Variants in NCAPD3 observed in about 807,000 individuals in gnomAD.
The protein encoded by NCAPD3 is condensin-2 complex subunit D3.
NCAPD3 carries 105 observed loss-of-function variants against 182.9 expected under a neutral mutation model. The observed-to-expected ratio is 0.57, with a 90% CI of 0.49 to 0.68. NCAPD3 has a LOEUF of 0.68. Among genes scored for constraint, NCAPD3 ranks in the 30% least tolerant of loss-of-function variants. The pLI is 0.00. For missense variants in NCAPD3, 1,944 were observed against 1,837.0 expected, an observed-to-expected ratio of 1.06 and a Z score of -1.07; for synonymous variants, 815 against 679.9, an observed-to-expected ratio of 1.20 and a Z score of -3.09.
chr11:134,152,335 G>T lies in NCAPD3; in HGVS notation c.*609C>A, dbSNP rs1295436924. 6.6e-6 allele frequency: 1 copy of T among 152,234 alleles called. No individual in the cohort carries two copies. The highest frequency in any genetic ancestry group is 2.4e-5 in the African/African-American group (1 of 41,462). The allele number at this position is 152,234 out of a possible 1,614,324, so 9.4% of individuals were successfully genotyped here. A position where few individuals can be genotyped will look rare whatever the true frequency, so the allele number is the denominator to read the frequency against. ...CAATCATCTTTTTTCTAATAGGGAA[G>T]ATTTGGTTTCATTCCTCTAACAAAC... On this transcript the variant is annotated 3_prime_UTR_variant, in exon 35 of 35. Transcript: ENST00000534548.
chr11:134,171,234 G>A (rs879480466), intron 24 of NCAPD3, among the ~76,000 whole-genome samples: 2 of 152,104 alleles, frequency 1.3e-5, no homozygotes, highest in South Asian at 2.1e-4. Flanking sequence ...CACACAGCAC[G>A]AGCTGCACGA....
At position 134,167,096 on chromosome 11, in the gene NCAPD3, G is replaced by A. The variant is rs183135305; in HGVS notation, c.3573+900C>T. The stretch of plus-strand genomic sequence containing the variant: ...GGAGCTGCACACTCACTAGTGAGAT[G>A]AGCTTGGGGGAGCTGCACACTCACT... On this transcript the variant is annotated intron_variant, in intron 27 of 34. Transcript: ENST00000534548. Among the ~76,000 whole-genome samples the A allele has an allele frequency of 1.9e-3, 198 of 102,644 alleles. 18 individuals are homozygous for A. Among genetic ancestry groups the A allele is most frequent in the African/African-American group, 9.4e-3 (184 of 19,544 alleles). 67.3% of individuals were successfully genotyped at this position (102,644 alleles called of 152,430 possible). A position where few individuals can be genotyped will look rare whatever the true frequency, so the allele number is the denominator to read the frequency against.
intron 27 of NCAPD3, among the ~76,000 whole-genome samples, chr11:134,166,080 T>G (rs1384298501): frequency 2.5e-5 from 1 of 40,160 alleles, no homozygotes; most frequent in Non-Finnish European, 4.5e-5. Flanking sequence ...CACTCACTTG[T>G]GAGATGAGCT....
At chr11:134,157,190 G>T in intron 31 of NCAPD3, 95 bp from the exon 32 acceptor site, 1 of 949,366 alleles carries the variant, frequency 1.1e-6, no homozygotes, top group Non-Finnish European at 1.6e-6. Context: ...AAGACGTAAA[G>T]TCAAAATCAC....
chr11:134,166,884 CACTT>C (rs1210856555), intron 27 of NCAPD3, among the ~76,000 whole-genome samples: 19 of 127,720 alleles, frequency 1.5e-4, no homozygotes, highest in African/African-American at 2.5e-4. Flanking sequence ...GGCGCACACT[CACTT>C]GTGAGATGAG....
upstream of NCAPD3, chr11:134,225,237 C>T (rs1191826980): frequency 6.2e-7 from 1 of 1,614,152 alleles, no homozygotes; most frequent in South Asian, 1.1e-5. Context: ...GAAATATTTC[C>T]TCTTCTACGA....
At chr11:134,185,607 T>A in intron 16 of NCAPD3, 81 bp from the exon 17 acceptor site, 1 of 1,177,452 alleles carries the variant, frequency 8.5e-7, no homozygotes, top group Non-Finnish European at 1.2e-6. Context: ...ACTGAAAGGG[T>A]ATCAACTTCT....
chr11:134,197,067 G>C (rs1251128169), intron 13 of NCAPD3, among the ~76,000 whole-genome samples: 5 of 151,996 alleles, frequency 3.3e-5, no homozygotes, highest in African/African-American at 1.2e-4. Flanking sequence ...GTGAGATCTG[G>C]TCATTTAAAA....
At chr11:134,221,850 A>AG (rs959712182) in intron 1 of NCAPD3, among the ~76,000 whole-genome samples, 44 of 152,354 alleles carry the variant, frequency 2.9e-4, no homozygotes, top group African/African-American at 9.9e-4. Context: ...ACCCTGAAGG[A>AG]GGGGGTCTCT....
At chr11:134,211,697 A>C (rs544900989) in intron 3 of NCAPD3, among the ~76,000 whole-genome samples, 1 of 151,654 alleles carries the variant, frequency 6.6e-6, no homozygotes, top group Admixed American at 6.6e-5. Flanking sequence ...AGAGAAATGA[A>C]AAAAAAAAAT....
At chr11:134,207,889 C>T (rs1424156067) in intron 7 of NCAPD3, among the ~76,000 whole-genome samples, 1 of 151,856 alleles carries the variant, frequency 6.6e-6, no homozygotes, top group African/African-American at 2.4e-5. Context: ...ATTCATATTT[C>T]AAGCACACAG....
chr11:134,217,182 TG>T, intron 2 of NCAPD3, 84 bp from the exon 3 acceptor site: 1 of 1,322,154 alleles, frequency 7.6e-7, no homozygotes, highest in East Asian at 2.6e-5. Context: ...AAGTTCTTGG[TG>T]CCTTACAAAA....
intron 28 of NCAPD3, 73 bp downstream of exon 28, chr11:134,161,708 T>G: frequency 1.1e-6 from 1 of 910,042 alleles, no homozygotes; most frequent in Non-Finnish European, 1.8e-6. Context: ...GCCTGCACTG[T>G]CATAACTGGC....
intron 22 of NCAPD3, 142 bp from the exon 23 acceptor site, chr11:134,177,599 C>CTA: frequency 1.4e-6 from 1 of 703,346 alleles, no homozygotes; most frequent in Non-Finnish European, 2.3e-6. Flanking sequence ...CAACAAAAAA[C>CTA]TAAAGGCAGA....
chr11:134,161,934 T>G, intron 27 of NCAPD3, 43 bp from the exon 28 acceptor site: 1 of 1,026,354 alleles, frequency 9.7e-7, no homozygotes, highest in Non-Finnish European at 1.4e-6. Context: ...TATGAACTTC[T>G]GAAAGACAGG....
At chr11:134,201,918 G>A (rs1358965259) in intron 13 of NCAPD3, among the ~76,000 whole-genome samples, 1 of 152,154 alleles carries the variant, frequency 6.6e-6, no homozygotes, top group African/African-American at 2.4e-5. Flanking sequence ...GACCTTCTAG[G>A]CTGAATAATA....
At chr11:134,200,577 G>A (rs991185053) in intron 13 of NCAPD3, among the ~76,000 whole-genome samples, 1 of 152,084 alleles carries the variant, frequency 6.6e-6, no homozygotes, top group Admixed American at 6.6e-5. Context: ...GACAGACATG[G>A]CAAGTGTTGG....
chr11:134,193,135 C>G (rs75802783), intron 15 of NCAPD3, among the ~76,000 whole-genome samples: 5,486 of 152,214 alleles, frequency 0.036, 341 homozygotes, highest in African/African-American at 0.12. Context: ...TTACTAGTAG[C>G]TACTAGTAAA....
intron 32 of NCAPD3, among the ~76,000 whole-genome samples, chr11:134,155,749 G>A (rs564099877): frequency 5.0e-4 from 76 of 151,436 alleles, no homozygotes; most frequent in African/African-American, 1.6e-3. Context: ...CAGGAACATC[G>A]AACACACAGC....
Sources: gnomAD v4.1 joint callset for allele counts (sites outside exome capture counted in the v4.1 genomes callset) on GRCh38, gnomAD v4.1.1 for gene constraint, MANE v1.5 for transcripts, NCBI Gene and HGNC (gene_info 2026-07-23, HGNC 2026-07-21) for gene names.